The following XIAP variants were observed in gnomAD, a reference collection of about 807,000 sequenced individuals.
XIAP encodes the protein E3 ubiquitin-protein ligase XIAP.
A neutral mutation model predicts 33.1 loss-of-function variants in XIAP; 3 were observed. That is an observed-to-expected ratio of 0.09 (90% CI 0.04 to 0.23). XIAP has a LOEUF of 0.23. Ranked by LOEUF, XIAP falls within the 10% of genes least tolerant of loss-of-function variation. The probability of loss-of-function intolerance (pLI) is 1.00; values close to 1 mark genes in which losing one functional copy is unlikely to be tolerated. For synonymous variants in XIAP, 98 were observed against 121.3 expected, an observed-to-expected ratio of 0.81 and a Z score of 1.26; for missense variants, 264 against 363.0, an observed-to-expected ratio of 0.73 and a Z score of 2.22.
intron 1 of XIAP, chrX:123,874,418 T>C (rs753898209): frequency 8.9e-6 from 1 of 111,880 alleles, no homozygotes; most frequent in South Asian, 3.7e-4. Flanking sequence ...TAATACAACA[T>C]CATTTTGTAA....
At chrX:123,889,997 A>AATTTTTTT (rs2053389824) in intron 3 of XIAP, among the ~76,000 whole-genome samples, 3 of 33,048 alleles carry the variant, frequency 9.1e-5, no homozygotes, top group South Asian at 5.4e-3. Context: ...AGTTGTTCAC[A>AATTTTTTT]TTTTTTTTTT....
At chrX:123,898,052 CAG>C (rs998992207) in intron 5 of XIAP, among the ~76,000 whole-genome samples, 10 of 112,213 alleles carry the variant, frequency 8.9e-5, no homozygotes, top group Admixed American at 2.9e-4. Flanking sequence ...AAAAACCACT[CAG>C]ACTGAATCTA....
At position 123,892,729 on chromosome X, in the gene XIAP, A is replaced by G; in HGVS notation, c.1057-2A>G. The G allele has an allele frequency of 8.4e-7, 1 of 1,197,121 alleles. No individual in the cohort carries two copies. Among genetic ancestry groups the G allele is most frequent in the Non-Finnish European group, 1.1e-6 (1 of 883,196 alleles). On this transcript the variant is annotated splice_acceptor_variant, in intron 4 of 6. Coordinates refer to ENST00000371199, the MANE Select transcript of XIAP (RefSeq NM_001167.4). LOFTEE classifies it high-confidence loss of function. ...AACTTACAGTTCCTATTTCTGTTAC[A>G]GGTAAGAACTACTGAGAAAACACCA...
chrX:123,859,911 T>C, upstream of XIAP: 1 of 252,576 alleles, frequency 4.0e-6, no homozygotes, highest in South Asian at 3.6e-5. Flanking sequence ...AAGTGGTAAG[T>C]TGAAAAATGG....
At chrX:123,864,800 G>GTGTGTA (rs2053117864) in intron 1 of XIAP, among the ~76,000 whole-genome samples, 1 of 54,305 alleles carries the variant, frequency 1.8e-5, no homozygotes, top group Non-Finnish European at 3.4e-5. Context: ...GTGTGTGTGT[G>GTGTGTA]TGTGTGTGTG....
In XIAP at chrX:123,886,340, T is replaced by C; in HGVS notation, c.678T>C (p.Asn226=). Residue 226 remains asparagine, a synonymous_variant, in exon 2 of 7, where the codon AAT becomes AAC. Transcript: ENST00000371199. ...CAGAACACAGGCGACACTTTCCTAATTGCTTCTTTGTTTTGGGCCGGAATC... is the reference window on the plus strand; with the variant it reads ...CAGAACACAGGCGACACTTTCCTAACTGCTTCTTTGTTTTGGGCCGGAATC... ...AWSEHRRHFP[N]CFFVLGRNLN... is the part of the protein sequence containing the mutation. 8.3e-7 allele frequency: 1 copy of C among 1,212,026 alleles called. No homozygotes were observed. The highest frequency in any genetic ancestry group is 2.2e-5 in the Admixed American group (1 of 45,974).
chrX:123,886,560 A>G (rs2053353616), intron 2 of XIAP, 21 bp downstream of exon 2: 5 of 1,198,749 alleles, frequency 4.2e-6, no homozygotes, highest in South Asian at 1.8e-5. Context: ...TTATAAAACC[A>G]ATAAATAGCT....
chrX:123,896,861 C>T (rs748457283), intron 5 of XIAP, among the ~76,000 whole-genome samples: 3 of 109,163 alleles, frequency 2.7e-5, no homozygotes, highest in South Asian at 4.0e-4. Flanking sequence ...GAATTACAGG[C>T]GTGAGCCACT....
Position 123,910,090 on chromosome X carries a change from T to G in XIAP, c.*2909T>G, listed in dbSNP as rs956564970. 1 of 326,604 alleles carries G rather than the reference T, an allele frequency of 3.1e-6. No individual in the cohort carries two copies. Among genetic ancestry groups the G allele is most frequent in the Admixed American group, 3.2e-5 (1 of 31,736 alleles). 26.9% of individuals were successfully genotyped at this position (326,604 alleles called of 1,213,427 possible). ...TGCAAAGATTCAAGTAGTTTTGCAA[T>G]AAGTACTTATCTTTATTTGTAATAA... On this transcript the variant is annotated 3_prime_UTR_variant, in exon 7 of 7. Coordinates refer to ENST00000371199, the MANE Select transcript of XIAP (RefSeq NM_001167.4).
chrX:123,896,901 T>A (rs1366392627), intron 5 of XIAP, among the ~76,000 whole-genome samples: 2 of 107,548 alleles, frequency 1.9e-5, no homozygotes, highest in Non-Finnish European at 1.9e-5. Flanking sequence ...ACTTTCTTGG[T>A]GTTCTTCGAA....
intron 6 of XIAP, among the ~76,000 whole-genome samples, chrX:123,905,335 C>G (rs2269177): frequency 0.17 from 19,176 of 111,200 alleles, 1,294 homozygotes; most frequent in South Asian, 0.39. Flanking sequence ...CACGTTCTGT[C>G]TCTCTCCTTG....
At position 123,910,473 on chromosome X, in the gene XIAP, ATT is replaced by A. The variant is rs2053589506; in HGVS notation, c.*3293_*3294del. On this transcript the variant is annotated 3_prime_UTR_variant, in exon 7 of 7. Transcript: ENST00000371199. Reference sequence around the variant, plus strand: ...ATGATATACCCTTTAAACCCGAATCATTGTTTTATTTCCTGATTACACAGGTG... The same window carrying A: ...ATGATATACCCTTTAAACCCGAATCAGTTTTATTTCCTGATTACACAGGTG... 1 of 327,726 alleles carries A rather than the reference ATT, an allele frequency of 3.1e-6. No homozygotes were observed. The highest frequency in any genetic ancestry group is 5.9e-6 in the Non-Finnish European group (1 of 169,723). The allele number at this position is 327,726 out of a possible 1,213,427, so 27.0% of individuals were successfully genotyped here. A position where few individuals can be genotyped will look rare whatever the true frequency, so the allele number is the denominator to read the frequency against.
intron 1 of XIAP, among the ~76,000 whole-genome samples, chrX:123,879,557 C>T (rs896464426): frequency 2.8e-5 from 3 of 107,505 alleles, no homozygotes; most frequent in Non-Finnish European, 3.8e-5. Context: ...CCTCGTGATC[C>T]GCCTGCCTTG....
intron 5 of XIAP, among the ~76,000 whole-genome samples, chrX:123,899,002 TCC>T (rs1176709984): frequency 1.0e-5 from 1 of 99,477 alleles, no homozygotes; most frequent in Non-Finnish European, 2.0e-5. Context: ...ATGCCTGTAA[TCC>T]CAGCTACTCG....
chrX:123,885,568 T>A, intron 1 of XIAP, 63 bp from the exon 2 acceptor site: 1 of 974,601 alleles, frequency 1.0e-6, no homozygotes, highest in Non-Finnish European at 1.4e-6. Flanking sequence ...TTAGCTCCTA[T>A]AACAAAAGTC....
chrX:123,861,831 A>G (rs764585696), intron 1 of XIAP, among the ~76,000 whole-genome samples: 3 of 111,729 alleles, frequency 2.7e-5, no homozygotes, highest in South Asian at 3.7e-4. Flanking sequence ...AGCAGACCTC[A>G]TTATTGGATA....
chrX:123,859,959 G>C, upstream of XIAP: 1 of 287,425 alleles, frequency 3.5e-6, no homozygotes, highest in South Asian at 3.0e-5. Context: ...CAGGGCAGGA[G>C]GCTGACCTCC....
chrX:123,893,802 G>A (rs973312767), intron 5 of XIAP, among the ~76,000 whole-genome samples: 22 of 111,910 alleles, frequency 2.0e-4, no homozygotes, highest in Non-Finnish European at 2.8e-4. Flanking sequence ...GATCGTGCCA[G>A]TGCACTCTAG....
At chrX:123,870,371 G>A (rs1229327035) in intron 1 of XIAP, among the ~76,000 whole-genome samples, 2 of 112,098 alleles carry the variant, frequency 1.8e-5, no homozygotes, top group Non-Finnish European at 3.8e-5. Context: ...GATAGTATTT[G>A]GGTACATGCG....
Sources: allele counts gnomAD v4.1 joint callset (sites outside exome capture counted in the v4.1 genomes callset), GRCh38; gene constraint gnomAD v4.1.1; transcripts MANE v1.5; gene names NCBI Gene and HGNC (gene_info 2026-07-23, HGNC 2026-07-21).